Variants in PARP4 observed in about 807,000 individuals in gnomAD.
The protein encoded by PARP4 is poly(ADP-ribose) polymerase family member 4, also known as protein mono-ADP-ribosyltransferase PARP4.
In PARP4, 120 loss-of-function variants were observed where a neutral mutation model predicts 187.7. That is an observed-to-expected ratio of 0.64 (90% CI 0.55 to 0.74). The LOEUF (loss-of-function observed/expected upper bound fraction) is 0.74, where lower values mean the gene tolerates loss of function less well. Ranked by LOEUF, PARP4 falls within the 30% of genes least tolerant of loss-of-function variation. The pLI, the probability that PARP4 is intolerant of heterozygous loss-of-function variation, is 0.00. For synonymous variants in PARP4, 654 were observed against 740.9 expected (o/e 0.88, Z 1.90); for missense variants, 1,836 against 2,070.5 (o/e 0.89, Z 2.20).
intron 1 of PARP4, among the ~76,000 whole-genome samples, chr13:24,506,291 T>C (rs1227926696): frequency 6.6e-6 from 1 of 151,862 alleles, no homozygotes; most frequent in African/African-American, 2.4e-5. Flanking sequence ...GCTTCAGGAG[T>C]GAAGCTGCAG....
chr13:24,500,239 T>C, intron 4 of PARP4, 77 bp downstream of exon 4: 1 of 735,006 alleles, frequency 1.4e-6, no homozygotes, highest in Non-Finnish European at 2.2e-6. Context: ...CAAATAGAAT[T>C]TTAATACTGT....
intron 9 of PARP4, 27 bp downstream of exon 9, chr13:24,492,394 A>G (rs1424987041): frequency 1.3e-6 from 2 of 1,543,210 alleles, no homozygotes; most frequent in Admixed American, 1.8e-5. Flanking sequence ...TTTATAATAA[A>G]TAGAATTCTA....
At chr13:24,434,265 A>AC (rs11434282) in intron 31 of PARP4, 130 bp downstream of exon 31, 652,008 of 685,164 alleles carry the variant, frequency 0.95, 310,744 homozygotes, top group East Asian at 0.99. Flanking sequence ...TATGATTTAT[A>AC]CCCAGTGTAC....
intron 1 of PARP4, 80 bp from the exon 2 acceptor site, chr13:24,503,857 TG>T: frequency 8.4e-7 from 1 of 1,197,536 alleles, no homozygotes; most frequent in Admixed American, 2.0e-5. Context: ...AAGCAAACTG[TG>T]GGAAAATTGG....
At chr13:24,450,274 C>T (rs577209920) in intron 24 of PARP4, among the ~76,000 whole-genome samples, 4 of 151,960 alleles carry the variant, frequency 2.6e-5, no homozygotes, top group African/African-American at 9.7e-5. Context: ...AGAAGCAACT[C>T]TCACTCTAGC....
intron 12 of PARP4, among the ~76,000 whole-genome samples, chr13:24,478,607 A>C (rs1488616425): frequency 2.0e-5 from 3 of 151,578 alleles, no homozygotes; most frequent in Non-Finnish European, 4.4e-5. Flanking sequence ...TAACTTTTAA[A>C]ATTTTCTGCT....
At chr13:24,506,864 CGCT>C (rs1869719611) in intron 1 of PARP4, among the ~76,000 whole-genome samples, 2 of 152,224 alleles carry the variant, frequency 1.3e-5, no homozygotes, top group Admixed American at 1.3e-4. Context: ...GCGCCGGCCG[CGCT>C]CCTGCGGGAC....
chr13:24,480,307 T>C (rs1272388146), intron 12 of PARP4, among the ~76,000 whole-genome samples: 1 of 152,066 alleles, frequency 6.6e-6, no homozygotes, highest in African/African-American at 2.4e-5. Flanking sequence ...CTCTCCTCCT[T>C]CTCTGGCCTC....
rs138831388 is a variant in PARP4 at position 24,506,113 on chromosome 13, C to T, written c.-1-2336G>A. 1.7e-3 allele frequency among the ~76,000 whole-genome samples: 264 copies of T among 152,274 alleles called. 1 individual carries two copies. Among genetic ancestry groups the T allele is most frequent in the African/African-American group, 6.2e-3 (259 of 41,550 alleles). On this transcript the variant is annotated intron_variant, in intron 1 of 33. Coordinates refer to ENST00000381989, the MANE Select transcript of PARP4 (RefSeq NM_006437.4). ...GCTGCCTGGACCCTCGTGGTGAGTG[C>T]TACAGTTCTTAAAGGCGGCGCGTCC...
chr13:24,460,841 G>A (rs947305), intron 17 of PARP4, among the ~76,000 whole-genome samples: 1 of 151,892 alleles, frequency 6.6e-6, no homozygotes, highest in East Asian at 1.9e-4. Context: ...ATGCCTGGCT[G>A]ATTTTTAAAT....
chr13:24,453,890 G>C (rs1363143603), intron 22 of PARP4, among the ~76,000 whole-genome samples: 1 of 152,280 alleles, frequency 6.6e-6, no homozygotes, highest in South Asian at 2.1e-4. Flanking sequence ...CGAGGTGGGT[G>C]TATCACCTGA....
At chr13:24,433,293 TA>T (rs1455008309) in intron 31 of PARP4, among the ~76,000 whole-genome samples, 1 of 152,212 alleles carries the variant, frequency 6.6e-6, no homozygotes, top group Non-Finnish European at 1.5e-5. Flanking sequence ...GGATTATCAA[TA>T]AATACCGTGG....
chr13:24,429,008 T>C (rs1870200242), intron 32 of PARP4, among the ~76,000 whole-genome samples: 1 of 132,414 alleles, frequency 7.6e-6, no homozygotes, highest in South Asian at 2.3e-4. Flanking sequence ...TCTTTTTTCA[T>C]TCTATTTTTT....
At chr13:24,481,746 C>T (rs1010637409) in intron 12 of PARP4, among the ~76,000 whole-genome samples, 4 of 152,116 alleles carry the variant, frequency 2.6e-5, no homozygotes, top group African/African-American at 7.2e-5. Flanking sequence ...TGCCTGTAAT[C>T]CCAGGAGTCT....
intron 17 of PARP4, among the ~76,000 whole-genome samples, chr13:24,463,832 G>A (rs940287081): frequency 8.5e-5 from 13 of 152,052 alleles, no homozygotes; most frequent in African/African-American, 2.9e-4. Flanking sequence ...AAGGTTATTT[G>A]AATAGGAAGA....
chr13:24,455,025 A>C lies in PARP4; in HGVS notation c.2750T>G (p.Phe917Cys). The C allele has an allele frequency of 6.2e-7, 1 of 1,600,814 alleles. No homozygotes were observed. The highest frequency in any genetic ancestry group is 1.1e-5 in the South Asian group (1 of 90,354). Residue 917 changes from phenylalanine (F) to cysteine (C), a missense_variant, in exon 22 of 34, where the codon TTC (phenylalanine) becomes TGC (cysteine). Phe to Cys is a radical substitution (Grantham distance 205). Coordinates refer to ENST00000381989, the MANE Select transcript of PARP4 (RefSeq NM_006437.4). Reference protein sequence around the residue: ...GEKQKVNIIQFGTGYKELFSY... With the variant: ...GEKQKVNIIQCGTGYKELFSY... ...GGCCAAAGCGCACTCACCTGTGCCGAACTGGATAATATTTACTTTCTGCTT... is the reference window on the plus strand; with the variant it reads ...GGCCAAAGCGCACTCACCTGTGCCGCACTGGATAATATTTACTTTCTGCTT...
At chr13:24,427,404 C>G (rs1452142046) in intron 32 of PARP4, among the ~76,000 whole-genome samples, 2 of 136,944 alleles carry the variant, frequency 1.5e-5, no homozygotes, top group African/African-American at 5.4e-5. Context: ...GACAGGGGCT[C>G]ACTCTGTCAT....
intron 24 of PARP4, among the ~76,000 whole-genome samples, chr13:24,450,660 A>C (rs1191451674): frequency 6.6e-6 from 1 of 152,080 alleles, no homozygotes; most frequent in African/African-American, 2.4e-5. Flanking sequence ...GATGGTCTCT[A>C]CCCCTGGGAA....
intron 32 of PARP4, among the ~76,000 whole-genome samples, chr13:24,427,472 G>A: frequency 6.7e-6 from 1 of 149,224 alleles, no homozygotes; most frequent in East Asian, 2.0e-4. Context: ...CTGGACTCAA[G>A]TGATCCTCCT....
Sources: gnomAD v4.1 joint callset for allele counts (sites outside exome capture counted in the v4.1 genomes callset) on GRCh38, gnomAD v4.1.1 for gene constraint, MANE v1.5 for transcripts, NCBI Gene and HGNC (gene_info 2026-07-23, HGNC 2026-07-21) for gene names.